KAT14: variants seen among roughly 807,000 people sequenced by gnomAD.
The protein encoded by KAT14 is lysine acetyltransferase 14.
In KAT14, 66 loss-of-function variants were observed where a neutral mutation model predicts 78.4. The observed-to-expected ratio is 0.84, with a 90% CI of 0.69 to 1.03. The LOEUF is 1.03. Ranked by LOEUF, KAT14 falls within the 50% of genes least tolerant of loss-of-function variation. KAT14 has a pLI of 0.00. For missense variants in KAT14, 870 were observed against 972.5 expected, an observed-to-expected ratio of 0.89 and a Z score of 1.40; for synonymous variants, 344 against 359.4, an observed-to-expected ratio of 0.96 and a Z score of 0.48.
At chr20:18,175,568 A>G (rs2039007996) in intron 7 of KAT14, among the ~76,000 whole-genome samples, 1 of 152,046 alleles carries the variant, frequency 6.6e-6, no homozygotes, top group Non-Finnish European at 1.5e-5. Flanking sequence ...CATCTCTCAG[A>G]TGGGCTTGGA....
chr20:18,184,775 A>G lies in KAT14; in HGVS notation c.2155A>G (p.Ile719Val), dbSNP rs552267695. Residue 719 changes from isoleucine (I) to valine (V), a missense_variant, in exon 10 of 11, where the codon ATC becomes GTC. By Grantham distance (29) the Ile-to-Val change is conservative. Coordinates refer to ENST00000688188, the MANE Select transcript of KAT14 (RefSeq NM_001392073.1). ...AAGAGCAGGGATTGCAACTTTCATG[A>G]TCTATCATCTGATTCAGGTAAGTTG... Reference protein sequence around the residue: ...WRRAGIATFMIYHLIQTCMGK... With the variant: ...WRRAGIATFMVYHLIQTCMGK... The G allele has an allele frequency of 3.7e-6, 6 of 1,606,196 alleles. No individual in the cohort carries two copies. The highest frequency in any genetic ancestry group is 5.1e-6 in the Non-Finnish European group (6 of 1,177,594).
At chr20:18,150,694 C>T (rs775767055) in intron 3 of KAT14, 127 bp from the exon 4 acceptor site, 12 of 1,434,022 alleles carry the variant, frequency 8.4e-6, no homozygotes, top group South Asian at 5.5e-5. Context: ...AGATACCGTC[C>T]GTCCTTTGTT....
At chr20:18,173,876 T>C (rs1260168351) in intron 7 of KAT14, among the ~76,000 whole-genome samples, 1 of 152,226 alleles carries the variant, frequency 6.6e-6, no homozygotes, top group African/African-American at 2.4e-5. Flanking sequence ...CTATTTAAAG[T>C]GTACAGTTGA....
chr20:18,170,574 G>A lies in KAT14; in HGVS notation c.1668+7629G>A, dbSNP rs182623234. Among the ~76,000 whole-genome samples, 20 of 152,214 alleles carry A rather than the reference G, an allele frequency of 1.3e-4. No individual in the cohort carries two copies. The East Asian group carries it at 3.3e-3, about 25-fold the overall frequency. On this transcript the variant is annotated intron_variant, in intron 7 of 10. Transcript: ENST00000688188. ...TTTTGAGACGGAGTCTTGCTCTGTC[G>A]CCCAGGCTGGAGTGCAGTGGCGCAA...
At position 18,181,804 on chromosome 20, in the gene KAT14, T is replaced by C. The variant is rs2039265765; in HGVS notation, c.1763T>C (p.Ile588Thr). Residue 588 changes from isoleucine to threonine, a missense_variant, in exon 8 of 11, where the codon ATT becomes ACT. Physicochemically the swap from Ile to Thr is moderately conservative, Grantham distance 89 (BLOSUM62 -1). Coordinates refer to ENST00000688188, the MANE Select transcript of KAT14 (RefSeq NM_001392073.1). The stretch of plus-strand genomic sequence containing the variant: ...GAAGATATGGCTGTGGACCAGAGTA[T>C]TGTCAGCCCTTATACCTCTCGGATC... ...GSEDMAVDQS[I>T]VSPYTSRILK... 6.2e-7 allele frequency: 1 copy of C among 1,614,066 alleles called. No individual in the cohort carries two copies.
intron 3 of KAT14, 64 bp downstream of exon 3, chr20:18,145,415 T>C: frequency 6.3e-7 from 1 of 1,591,748 alleles, no homozygotes; most frequent in Non-Finnish European, 8.5e-7. Flanking sequence ...TTGGAACGAA[T>C]ATCTAGAAAC....
intron 4 of KAT14, among the ~76,000 whole-genome samples, chr20:18,157,363 G>A (rs1337069729): frequency 6.6e-6 from 1 of 152,122 alleles, no homozygotes; most frequent in Non-Finnish European, 1.5e-5. Flanking sequence ...CCACAGGCAC[G>A]TGCCATCACA....
intron 2 of KAT14, among the ~76,000 whole-genome samples, chr20:18,144,580 T>C (rs1432229935): frequency 6.6e-6 from 1 of 152,168 alleles, no homozygotes; most frequent in Non-Finnish European, 1.5e-5. Flanking sequence ...TTATTTACCC[T>C]CACACTGCCC....
At chr20:18,154,245 G>A (rs760649591) in intron 4 of KAT14, among the ~76,000 whole-genome samples, 8 of 152,236 alleles carry the variant, frequency 5.3e-5, no homozygotes, top group Admixed American at 1.3e-4. Context: ...TATATTTAAG[G>A]TACACTTTTT....
chr20:18,147,263 A>G (rs980480949), intron 3 of KAT14, among the ~76,000 whole-genome samples: 3 of 152,200 alleles, frequency 2.0e-5, no homozygotes, highest in African/African-American at 7.2e-5. Context: ...TAAGTAGAAA[A>G]TGAAGAGAAG....
At chr20:18,177,731 A>G (rs939510219) in intron 7 of KAT14, among the ~76,000 whole-genome samples, 8 of 152,156 alleles carry the variant, frequency 5.3e-5, no homozygotes, top group Non-Finnish European at 8.8e-5. Flanking sequence ...ACATCATCCA[A>G]CCCTTCGCAA....
intron 7 of KAT14, among the ~76,000 whole-genome samples, chr20:18,176,328 C>T (rs73899815): frequency 0.014 from 2,058 of 146,996 alleles, 51 homozygotes; most frequent in African/African-American, 0.048. Flanking sequence ...AAGTGCCAAG[C>T]GCTATTCTAG....
chr20:18,144,048 T>G (rs181324169), intron 2 of KAT14, among the ~76,000 whole-genome samples: 2 of 152,214 alleles, frequency 1.3e-5, no homozygotes, highest in African/African-American at 4.8e-5. Flanking sequence ...AGTAAAGATA[T>G]AGGTACTTGA....
chr20:18,179,089 T>C (rs1419565834), intron 7 of KAT14, among the ~76,000 whole-genome samples: 1 of 152,230 alleles, frequency 6.6e-6, no homozygotes, highest in African/African-American at 2.4e-5. Flanking sequence ...TGACTCCTTA[T>C]CTTACATCCA....
rs1193901708 is a variant in KAT14, at chr20:18,161,738, C to T, written c.683-85C>T. ...AGTAAAATGCAAATATTCCAAAAGC[C>T]GAAAACATCTGAAATCCAAAACATG... On this transcript the variant is annotated intron_variant, in intron 5 of 10. Coordinates refer to ENST00000688188, the MANE Select transcript of KAT14 (RefSeq NM_001392073.1). 8 of 1,510,030 alleles carry T rather than the reference C, an allele frequency of 5.3e-6. No homozygotes were observed. In the South Asian group the frequency reaches 6.7e-5, roughly 13 times the overall value. The allele number at this position is 1,510,030 out of a possible 1,614,324, so 93.5% of individuals were successfully genotyped here.
At chr20:18,143,996 T>C (rs1406102295) in intron 2 of KAT14, among the ~76,000 whole-genome samples, 2 of 152,246 alleles carry the variant, frequency 1.3e-5, no homozygotes, top group South Asian at 2.1e-4. Flanking sequence ...AGCCATCATA[T>C]GGTTTATACC....
chr20:18,154,877 C>T (rs982624930), intron 4 of KAT14, among the ~76,000 whole-genome samples: 7 of 152,162 alleles, frequency 4.6e-5, no homozygotes, highest in Admixed American at 1.3e-4. Flanking sequence ...CTATTCTTCA[C>T]TAATCAAAAC....
Position 18,187,274 on chromosome 20 carries a change from C to T in KAT14, c.2173-12C>T, listed in dbSNP as rs1383643268. ...TCCATTTTTATCTTGTATTTTTCCA[C>T]TCTTTTGGCAGACCTGCATGGGCAA... is the stretch of plus-strand genomic sequence containing the variant. On this transcript the variant is annotated splice_polypyrimidine_tract_variant and intron_variant, in intron 10 of 10. Coordinates refer to ENST00000688188, the MANE Select transcript of KAT14 (RefSeq NM_001392073.1). 6.3e-7 allele frequency: 1 copy of T among 1,582,092 alleles called. No homozygotes were observed. The highest frequency in any genetic ancestry group is 1.4e-5 in the African/African-American group (1 of 72,690).
chr20:18,158,211 C>A lies in KAT14; in HGVS notation c.501-873C>A, dbSNP rs142729609. On this transcript the variant is annotated intron_variant, in intron 4 of 10. Transcript: ENST00000688188. The stretch of plus-strand genomic sequence containing the variant: ...TCGGCCTCCCAAAGTGCTGGAATTA[C>A]AGGCGTGAGCCACCGCACCCAGCCT... 3.9e-3 allele frequency among the ~76,000 whole-genome samples: 598 copies of A among 152,368 alleles called. 11 individuals are homozygous for A. Among genetic ancestry groups the A allele is most frequent in the Admixed American group, 0.033 (504 of 15,310 alleles).
Sources: gnomAD v4.1 joint callset for allele counts (sites outside exome capture counted in the v4.1 genomes callset) on GRCh38, gnomAD v4.1.1 for gene constraint, MANE v1.5 for transcripts, NCBI Gene and HGNC (gene_info 2026-07-23, HGNC 2026-07-21) for gene names.